Variants in DGKB observed in about 807,000 individuals in gnomAD.
DGKB encodes 90 kDa diacylglycerol kinase.
Under a neutral mutation model 114.3 loss-of-function variants are expected in DGKB, and 67 were observed. The ratio of observed to expected loss-of-function variants is 0.59; its 90% CI spans 0.48 to 0.72. DGKB has a LOEUF of 0.72. DGKB is among the 30% of genes least tolerant of loss of function. DGKB has a pLI of 0.00. For missense variants in DGKB, 907 were observed against 975.2 expected (o/e 0.93, Z 0.93); for synonymous variants, 398 against 323.1 (o/e 1.23, Z -2.49).
intron 1 of DGKB, among the ~76,000 whole-genome samples, chr7:14,867,837 T>C (rs1201408704): frequency 6.6e-6 from 1 of 152,140 alleles, no homozygotes; most frequent in Admixed American, 6.6e-5. Flanking sequence ...TTAACCTATG[T>C]CTAATTTTAA....
At chr7:14,543,858 T>C (rs943845353) in intron 20 of DGKB, among the ~76,000 whole-genome samples, 1 of 152,152 alleles carries the variant, frequency 6.6e-6, no homozygotes, top group Non-Finnish European at 1.5e-5. Context: ...ACCACAGGGA[T>C]TTCAAAAGGA....
At chr7:14,261,377 G>T (rs981058375) in intron 23 of DGKB, among the ~76,000 whole-genome samples, 6 of 151,992 alleles carry the variant, frequency 3.9e-5, no homozygotes, top group African/African-American at 1.4e-4. Flanking sequence ...TTTTTATGCA[G>T]AAATACCTAA....
intron 23 of DGKB, among the ~76,000 whole-genome samples, chr7:14,187,770 G>C (rs983035550): frequency 6.6e-6 from 1 of 152,122 alleles, no homozygotes; most frequent in African/African-American, 2.4e-5. Flanking sequence ...TAGATTCACA[G>C]ATATAAATGT....
At chr7:14,209,189 C>A in intron 23 of DGKB, 2 of 169,760 alleles carry the variant, frequency 1.2e-5, no homozygotes, top group Non-Finnish European at 9.6e-6. Context: ...AAAAAAACGC[C>A]AAATTTAAAA....
In DGKB at chr7:14,338,685, A is replaced by C; in HGVS notation, c.1952T>G (p.Ile651Arg). ...AGCAATTCCTTCCAGAGAGATGTTTATTAAATCTATCTGTACTCCATCACA... is the reference window on the plus strand; with the variant it reads ...AGCAATTCCTTCCAGAGAGATGTTTCTTAAATCTATCTGTACTCCATCACA... ...IECDGVQIDL[I>R]NISLEGIAIL... is the part of the protein sequence containing the mutation. Residue 651 changes from isoleucine to arginine, a missense_variant, in exon 23 of 26, where the codon ATA (isoleucine) becomes AGA (arginine). By Grantham distance (97) the Ile-to-Arg change is moderately conservative (BLOSUM62 -3). Around this residue, in one of 3 missense-constraint regions of DGKB, gnomAD observed 814 missense variants for 856.6 expected, o/e 0.95. Coordinates refer to ENST00000402815, the MANE Select transcript of DGKB (RefSeq NM_001350709.2). 6.3e-7 allele frequency: 1 copy of C among 1,586,480 alleles called. No homozygotes were observed. Among genetic ancestry groups the C allele is most frequent in the Non-Finnish European group, 8.6e-7 (1 of 1,166,132 alleles).
At chr7:14,431,154 A>G (rs1388022100) in intron 21 of DGKB, among the ~76,000 whole-genome samples, 2 of 151,934 alleles carry the variant, frequency 1.3e-5, no homozygotes, top group Non-Finnish European at 2.9e-5. Context: ...TATGTGTGTA[A>G]GCCTTCCTTC....
intron 23 of DGKB, among the ~76,000 whole-genome samples, chr7:14,230,617 A>T (rs1291943192): frequency 6.6e-6 from 1 of 152,056 alleles, no homozygotes; most frequent in Non-Finnish European, 1.5e-5. Context: ...ACATTGCCAC[A>T]TTTTATTATG....
intron 20 of DGKB, among the ~76,000 whole-genome samples, chr7:14,508,640 A>G (rs1787487121): frequency 6.6e-6 from 1 of 152,224 alleles, no homozygotes; most frequent in Admixed American, 6.5e-5. Flanking sequence ...TTGAGCTTTA[A>G]TAAGGACAAT....
intron 1 of DGKB, among the ~76,000 whole-genome samples, chr7:14,929,550 G>T (rs1009968341): frequency 2.6e-5 from 4 of 151,914 alleles, no homozygotes; most frequent in Non-Finnish European, 5.9e-5. Context: ...CATCTTATTT[G>T]CCTACTTTTT....
chr7:14,908,258 C>T (rs747985799), upstream of DGKB, among the ~76,000 whole-genome samples: 107 of 152,042 alleles, frequency 7.0e-4, no homozygotes, highest in Non-Finnish European at 1.5e-3. Flanking sequence ...TTAACTAGTT[C>T]TTCTATACCC....
At chr7:14,826,029 G>A (rs1037361968) in intron 2 of DGKB, among the ~76,000 whole-genome samples, 7 of 152,088 alleles carry the variant, frequency 4.6e-5, no homozygotes, top group East Asian at 3.9e-4. Flanking sequence ...TCTCCTTACT[G>A]CTGCTGCCTG....
chr7:14,811,736 T>C (rs1263982982), intron 2 of DGKB, among the ~76,000 whole-genome samples: 1 of 151,990 alleles, frequency 6.6e-6, no homozygotes, highest in African/African-American at 2.4e-5. Flanking sequence ...TTTTAAAAAT[T>C]GGGCTATCCC....
chr7:14,154,792 G>A, intron 25 of DGKB, among the ~76,000 whole-genome samples: 1 of 149,366 alleles, frequency 6.7e-6, no homozygotes, highest in South Asian at 2.1e-4. Context: ...AAGATCTGTT[G>A]ACACAGAAAA....
chr7:14,775,297 A>G (rs1837987727), intron 2 of DGKB, among the ~76,000 whole-genome samples: 1 of 152,014 alleles, frequency 6.6e-6, no homozygotes, highest in Non-Finnish European at 1.5e-5. Context: ...TTTTTCAAGC[A>G]GCCTCTTATT....
chr7:14,411,595 A>C (rs1824888264), intron 21 of DGKB, among the ~76,000 whole-genome samples: 1 of 152,136 alleles, frequency 6.6e-6, no homozygotes, highest in South Asian at 2.1e-4. Context: ...ATTTTACTCC[A>C]TGAGTTTTAG....
intron 2 of DGKB, among the ~76,000 whole-genome samples, chr7:14,771,620 G>C (rs1165713357): frequency 6.6e-6 from 1 of 152,002 alleles, no homozygotes; most frequent in Non-Finnish European, 1.5e-5. Flanking sequence ...CATCAGATGG[G>C]TTTTATTTAA....
chr7:14,187,720 A>G (rs995624081), intron 23 of DGKB, among the ~76,000 whole-genome samples: 6 of 152,156 alleles, frequency 3.9e-5, no homozygotes, highest in African/African-American at 1.4e-4. Context: ...TATCCCTACA[A>G]AAGCTACTCC....
chr7:14,800,125 C>A (rs1841957110), intron 2 of DGKB, among the ~76,000 whole-genome samples: 1 of 152,062 alleles, frequency 6.6e-6, no homozygotes, highest in Non-Finnish European at 1.5e-5. Context: ...ACCATTTTAG[C>A]CAGGATGGTC....
chr7:14,892,951 T>G (rs536793456), intron 1 of DGKB, among the ~76,000 whole-genome samples: 1 of 136,806 alleles, frequency 7.3e-6, no homozygotes, highest in Non-Finnish European at 1.7e-5. Context: ...TACACACACA[T>G]ATGTGTGTGT....
Sources: allele counts gnomAD v4.1 joint callset (sites outside exome capture counted in the v4.1 genomes callset), GRCh38; gene constraint gnomAD v4.1.1; regional missense constraint gnomAD v4.1.1; transcripts MANE v1.5; gene names NCBI Gene and HGNC (gene_info 2026-07-23, HGNC 2026-07-21).